Variants in STK32C observed in about 807,000 individuals in gnomAD.
The protein encoded by STK32C is serine/threonine-protein kinase 32C.
Under a neutral mutation model 56.5 loss-of-function variants are expected in STK32C, and 31 were observed. The ratio of observed to expected loss-of-function variants is 0.55; its 90% confidence interval spans 0.41 to 0.74. STK32C has a LOEUF of 0.74. Among genes scored for constraint, STK32C ranks in the 30% least tolerant of loss-of-function variants. The pLI, the probability that STK32C is intolerant of heterozygous loss-of-function variation, is 0.00. For missense variants in STK32C, 544 were observed against 676.9 expected (o/e 0.80, Z 2.18); for synonymous variants, 309 against 289.4 (o/e 1.07, Z -0.69).
At chr10:132,305,323 T>C (rs2066026651) in intron 1 of STK32C, among the ~76,000 whole-genome samples, 1 of 152,224 alleles carries the variant, frequency 6.6e-6, no homozygotes, top group Non-Finnish European at 1.5e-5. Context: ...CATTTAGTCT[T>C]ATATGTCGCA....
chr10:132,219,806 T>C (rs946665887), intron 10 of STK32C, among the ~76,000 whole-genome samples: 1 of 151,846 alleles, frequency 6.6e-6, no homozygotes, highest in African/African-American at 2.4e-5. Flanking sequence ...CCCCACATCA[T>C]GGTGAGGAGG....
chr10:132,220,861 T>C (rs1318790567), intron 10 of STK32C, among the ~76,000 whole-genome samples: 1 of 152,214 alleles, frequency 6.6e-6, no homozygotes, highest in African/African-American at 2.4e-5. Context: ...AGCTGCACCA[T>C]GCCTGGACTT....
chr10:132,226,485 T>G (rs2062894922), intron 4 of STK32C, among the ~76,000 whole-genome samples: 1 of 152,234 alleles, frequency 6.6e-6, no homozygotes, highest in South Asian at 2.1e-4. Context: ...TTCAGTTAAA[T>G]GGACCAGGTG....
chr10:132,240,871 A>T (rs1301232135), intron 2 of STK32C, among the ~76,000 whole-genome samples: 1 of 152,082 alleles, frequency 6.6e-6, no homozygotes, highest in Non-Finnish European at 1.5e-5. Flanking sequence ...GCCACCGAGA[A>T]ATCCATCTGG....
intron 1 of STK32C, among the ~76,000 whole-genome samples, chr10:132,278,691 C>T (rs2065061488): frequency 7.0e-6 from 1 of 143,344 alleles, no homozygotes; most frequent in South Asian, 2.2e-4. Flanking sequence ...ACCCGGGAGG[C>T]GGAGCTTGCA....
Position 132,324,056 on chromosome 10 carries a change from C to T in STK32C, c.*178G>A, listed in dbSNP as rs1277005106. The T allele has an allele frequency of 1.5e-5, 9 of 600,756 alleles. No individual in the cohort carries two copies. In the East Asian group the frequency reaches 2.2e-4, roughly 15 times the overall value. The allele number at this position is 600,756 out of a possible 1,614,324, so 37.2% of individuals were successfully genotyped here. ...TTAATGGCCTAACCACACCTTAAAC[C>T]CCACCTCCCAACACACCCACACCTG... On this transcript the variant is annotated 3_prime_UTR_variant, in exon 2 of 2. Transcript: ENST00000368619.
upstream of STK32C, among the ~76,000 whole-genome samples, chr10:132,308,895 G>C (rs2066166374): frequency 6.6e-6 from 1 of 152,232 alleles, no homozygotes; most frequent in African/African-American, 2.4e-5. Flanking sequence ...GCTCTGCATG[G>C]AGCCTCGCCG....
intron 10 of STK32C, among the ~76,000 whole-genome samples, chr10:132,210,711 G>A (rs997004679): frequency 6.6e-5 from 10 of 152,254 alleles, no homozygotes; most frequent in African/African-American, 2.4e-4. Flanking sequence ...TAAAGGACAA[G>A]CGGTCTCACC....
chr10:132,254,821 G>A (rs1047776734), intron 1 of STK32C, among the ~76,000 whole-genome samples: 2 of 152,222 alleles, frequency 1.3e-5, no homozygotes, highest in Admixed American at 1.3e-4. Context: ...CTCAAGAGCT[G>A]GAGAATCAGC....
intron 1 of STK32C, among the ~76,000 whole-genome samples, chr10:132,296,630 T>C (rs904476023): frequency 1.3e-5 from 2 of 152,232 alleles, no homozygotes; most frequent in Non-Finnish European, 2.9e-5. Context: ...GCTGGATTTC[T>C]TAATTTTTTT....
chr10:132,251,169 G>A (rs1226619235), intron 1 of STK32C, among the ~76,000 whole-genome samples: 2 of 152,208 alleles, frequency 1.3e-5, no homozygotes, highest in African/African-American at 4.8e-5. Context: ...CCCAACAGCA[G>A]GGGTGACCCC....
At chr10:132,326,915 T>C (rs1223565556) in intron 1 of STK32C, among the ~76,000 whole-genome samples, 1 of 152,176 alleles carries the variant, frequency 6.6e-6, no homozygotes, top group Non-Finnish European at 1.5e-5. Flanking sequence ...TAGAAGAATA[T>C]TAATTACTGG....
intron 1 of STK32C, among the ~76,000 whole-genome samples, chr10:132,295,387 C>T (rs984958819): frequency 6.6e-6 from 1 of 152,218 alleles, no homozygotes; most frequent in Non-Finnish European, 1.5e-5. Context: ...CAGAAACTCA[C>T]AAGAGCAACA....
In STK32C at chr10:132,318,602, G is replaced by A. The variant is rs538264264; in HGVS notation, c.301+12834C>T. Among the ~76,000 whole-genome samples, 18 of 150,784 alleles carry A rather than the reference G, an allele frequency of 1.2e-4. No homozygotes were observed. In the South Asian group the frequency reaches 3.6e-3, roughly 30 times the overall value. ...TGCACTCTAGCCTGGGCAACAGAGT[G>A]AGACCTTGCCTCAAAAAACAAAAAA... On this transcript the variant is annotated intron_variant, in intron 1 of 3. Transcript: ENST00000368620.
intron 1 of STK32C, chr10:132,330,438 C>T (rs1052281): frequency 0.39 from 279,272 of 713,326 alleles, 56,874 homozygotes; most frequent in African/African-American, 0.47. Flanking sequence ...GCCCGGGTGG[C>T]TGGCCTCCCC....
At chr10:132,261,044 A>C (rs11146277) in intron 1 of STK32C, among the ~76,000 whole-genome samples, 1 of 90,844 alleles carries the variant, frequency 1.1e-5, no homozygotes, top group Admixed American at 1.3e-4. Context: ...CACAGGCCTC[A>C]GGGACTACGA....
At chr10:132,225,905 G>C (rs1178491206) in intron 4 of STK32C, 121 bp from the exon 5 acceptor site, 22 of 1,324,376 alleles carry the variant, frequency 1.7e-5, no homozygotes, top group African/African-American at 2.9e-5. Flanking sequence ...GCAGAGGCCT[G>C]GGAGCTTGAC....
At chr10:132,324,437 G>A in intron 1 of STK32C, 1 of 712,660 alleles carries the variant, frequency 1.4e-6, no homozygotes, top group South Asian at 1.5e-5. Flanking sequence ...GAAGAGCAAT[G>A]TATTTCAGTT....
At chr10:132,309,146 C>T (rs973474246), upstream of STK32C, among the ~76,000 whole-genome samples, 2 of 152,198 alleles carry the variant, frequency 1.3e-5, no homozygotes, top group Admixed American at 6.5e-5. Context: ...CAACTGTCTA[C>T]CCTGTCATTC....
Sources: gnomAD v4.1 joint callset for allele counts (sites outside exome capture counted in the v4.1 genomes callset) on GRCh38, gnomAD v4.1.1 for gene constraint, MANE v1.5 for transcripts, NCBI Gene and HGNC (gene_info 2026-07-23, HGNC 2026-07-21) for gene names.